The following AUTS2 variants were observed in gnomAD, a reference collection of about 807,000 sequenced individuals.
AUTS2 encodes the protein activator of transcription and developmental regulator AUTS2.
In AUTS2, 17 loss-of-function variants were observed where a neutral mutation model predicts 112.4. The ratio of observed to expected loss-of-function variants is 0.15; its 90% CI spans 0.10 to 0.23. The LOEUF (loss-of-function observed/expected upper bound fraction) is 0.23. Ranked by LOEUF, AUTS2 falls within the 10% of genes least tolerant of loss-of-function variation. AUTS2 has a pLI of 1.00. For synonymous variants in AUTS2, 751 were observed against 702.7 expected (o/e 1.07, Z -1.09); for missense variants, 1,510 against 1,701.6 (o/e 0.89, Z 1.98).
chr7:70,721,421 C>T (rs1003729254), intron 6 of AUTS2, among the ~76,000 whole-genome samples: 2 of 152,046 alleles, frequency 1.3e-5, no homozygotes, highest in African/African-American at 4.8e-5. Context: ...GCCTCAGCCT[C>T]CCGAGTAGCT....
At chr7:70,110,129 A>G (rs1168033859) in intron 2 of AUTS2, among the ~76,000 whole-genome samples, 2 of 152,234 alleles carry the variant, frequency 1.3e-5, no homozygotes, top group Non-Finnish European at 2.9e-5. Flanking sequence ...TAATGATGTC[A>G]AAGTCGGTCA....
chr7:70,292,303 G>C (rs1387508898), intron 4 of AUTS2: 1 of 152,240 alleles, frequency 6.6e-6, no homozygotes, highest in African/African-American at 2.4e-5. Flanking sequence ...TGCATCACCT[G>C]CTGCACATTC....
At chr7:69,840,555 G>C (rs886352905) in intron 1 of AUTS2, among the ~76,000 whole-genome samples, 3 of 152,176 alleles carry the variant, frequency 2.0e-5, no homozygotes, top group African/African-American at 7.2e-5. Flanking sequence ...TTCACAGGTC[G>C]AAGAGGCTTC....
chr7:70,530,108 G>T (rs1256507705), intron 5 of AUTS2, among the ~76,000 whole-genome samples: 1 of 152,196 alleles, frequency 6.6e-6, no homozygotes, highest in Admixed American at 6.5e-5. Context: ...GACAACATCT[G>T]TAGTGAGGCA....
intron 1 of AUTS2, among the ~76,000 whole-genome samples, chr7:69,877,920 C>T (rs1202595749): frequency 6.6e-6 from 1 of 151,920 alleles, no homozygotes; most frequent in Admixed American, 6.6e-5. Context: ...CATGGCAGGC[C>T]GTGGAGAAGA....
intron 1 of AUTS2, among the ~76,000 whole-genome samples, chr7:69,829,395 G>T (rs1791398642): frequency 1.3e-5 from 2 of 152,042 alleles, no homozygotes. Context: ...GGACAAATGG[G>T]ATCTAATTAA....
chr7:70,046,805 T>A (rs1359687550), intron 2 of AUTS2, among the ~76,000 whole-genome samples: 2 of 152,228 alleles, frequency 1.3e-5, no homozygotes, highest in Non-Finnish European at 1.5e-5. Context: ...TTGTGTTTAT[T>A]ATGCTCTGAT....
intron 1 of AUTS2, among the ~76,000 whole-genome samples, chr7:69,653,683 G>GT (rs2129135923): frequency 6.6e-6 from 1 of 150,582 alleles, no homozygotes; most frequent in Non-Finnish European, 1.5e-5. Flanking sequence ...GAAATAACCC[G>GT]TTTTTTGCTT....
chr7:69,758,370 A>C (rs2129281485), intron 1 of AUTS2, among the ~76,000 whole-genome samples: 1 of 152,304 alleles, frequency 6.6e-6, no homozygotes, highest in African/African-American at 2.4e-5. Flanking sequence ...TGGATCAGTC[A>C]CTTTATTACA....
chr7:70,033,304 A>G (rs1800862390), intron 2 of AUTS2, among the ~76,000 whole-genome samples: 1 of 152,226 alleles, frequency 6.6e-6, no homozygotes, highest in South Asian at 2.1e-4. Context: ...CTTGTAATGT[A>G]TGTGTATAGT....
intron 1 of AUTS2, among the ~76,000 whole-genome samples, chr7:69,760,529 A>G (rs1788140400): frequency 6.6e-6 from 1 of 152,168 alleles, no homozygotes; most frequent in Non-Finnish European, 1.5e-5. Context: ...CCCATTCAAA[A>G]TAATTACAAG....
At position 69,936,205 on chromosome 7, in the gene AUTS2, A is replaced by G. The variant is rs190440565; in HGVS notation, c.522+36707A>G. ...AGCCAATAGCATACATTTTGTAGAA[A>G]GCAACTAAAGTTTTTCCTCCAAAGC... On this transcript the variant is annotated intron_variant, in intron 2 of 18. Coordinates refer to ENST00000342771, the MANE Select transcript of AUTS2 (RefSeq NM_015570.4). Among the ~76,000 whole-genome samples, 259 of 152,330 alleles carry G rather than the reference A, an allele frequency of 1.7e-3. 1 individual carries two copies. Among genetic ancestry groups the G allele is most frequent in the South Asian group, 1.5e-3 (7 of 4,824 alleles).
At chr7:69,861,107 T>C (rs1040761010) in intron 1 of AUTS2, among the ~76,000 whole-genome samples, 1 of 152,058 alleles carries the variant, frequency 6.6e-6, no homozygotes, top group Non-Finnish European at 1.5e-5. Context: ...CAGATTTTTA[T>C]GCAGGGCTTC....
At chr7:70,665,949 A>T (rs1431909500) in intron 5 of AUTS2, among the ~76,000 whole-genome samples, 1 of 152,194 alleles carries the variant, frequency 6.6e-6, no homozygotes, top group Non-Finnish European at 1.5e-5. Context: ...CCCAGGATGC[A>T]TGTGGCTGAC....
chr7:70,619,503 T>A (rs1277737977), intron 5 of AUTS2, among the ~76,000 whole-genome samples: 3 of 151,834 alleles, frequency 2.0e-5, no homozygotes, highest in Non-Finnish European at 4.4e-5. Context: ...CTGAAGCAGA[T>A]CTTTTGATTT....
chr7:69,745,383 C>A (rs1562853846), intron 1 of AUTS2, among the ~76,000 whole-genome samples: 2 of 152,170 alleles, frequency 1.3e-5, no homozygotes, highest in Non-Finnish European at 2.9e-5. Context: ...TGTTCCATTG[C>A]CCTATTCTGG....
At chr7:70,118,990 A>AT (rs397889485) in intron 3 of AUTS2, 11,775 of 119,022 alleles carry the variant, frequency 0.099, 780 homozygotes, top group South Asian at 0.16. Context: ...ATATATCAGC[A>AT]TTTTTTTTTT....
chr7:70,571,839 C>T (rs1801955574), intron 5 of AUTS2, among the ~76,000 whole-genome samples: 1 of 152,142 alleles, frequency 6.6e-6, no homozygotes, highest in Non-Finnish European at 1.5e-5. Context: ...CAGGAGGACA[C>T]CCTCCCTCCT....
chr7:69,626,532 T>C (rs1323681905), intron 1 of AUTS2, among the ~76,000 whole-genome samples: 2 of 152,158 alleles, frequency 1.3e-5, no homozygotes, highest in Admixed American at 6.5e-5. Context: ...GGAAGGTCAC[T>C]GAGAAGCATG....
Sources: allele counts gnomAD v4.1 joint callset (sites outside exome capture counted in the v4.1 genomes callset), GRCh38; gene constraint gnomAD v4.1.1; transcripts MANE v1.5; gene names NCBI Gene and HGNC (gene_info 2026-07-23, HGNC 2026-07-21).